Variants in SIPA1L2 observed in about 807,000 individuals in gnomAD.
SIPA1L2 encodes signal-induced proliferation-associated 1-like protein 2.
Under a neutral mutation model 163.9 loss-of-function variants are expected in SIPA1L2, and 56 were observed. The observed-to-expected ratio is 0.34, with a 90% CI of 0.28 to 0.43. The LOEUF (loss-of-function observed/expected upper bound fraction) is 0.43, where lower values mean the gene tolerates loss of function less well. Ranked by LOEUF, SIPA1L2 falls within the 20% of genes least tolerant of loss-of-function variation. The pLI, the probability that SIPA1L2 is intolerant of heterozygous loss-of-function variation, is 1.00. For synonymous variants in SIPA1L2, 877 were observed against 865.7 expected, an observed-to-expected ratio of 1.01 and a Z score of -0.23; for missense variants, 1,974 against 2,193.5, an observed-to-expected ratio of 0.90 and a Z score of 2.00.
At chr1:232,451,275 C>T (rs1385017782) in intron 10 of SIPA1L2, among the ~76,000 whole-genome samples, 1 of 152,132 alleles carries the variant, frequency 6.6e-6, no homozygotes, top group Non-Finnish European at 1.5e-5. Flanking sequence ...AGAAGAATGA[C>T]AAATGAGCCT....
intron 19 of SIPA1L2, 123 bp downstream of exon 19, chr1:232,415,371 C>T: frequency 4.8e-6 from 6 of 1,252,916 alleles, no homozygotes; most frequent in Non-Finnish European, 6.4e-6. Context: ...TCCAACAAGG[C>T]AAAACATTCA....
At chr1:232,421,836 T>C (rs1044617216) in intron 18 of SIPA1L2, among the ~76,000 whole-genome samples, 1 of 152,242 alleles carries the variant, frequency 6.6e-6, no homozygotes. Context: ...GTCAGAACTA[T>C]AGGATTTGAA....
chr1:232,441,692 A>G (rs541969306), intron 13 of SIPA1L2, 76 bp downstream of exon 13: 2 of 1,212,680 alleles, frequency 1.6e-6, no homozygotes, highest in South Asian at 2.6e-5. Flanking sequence ...GAATAAAATG[A>G]AGTGATGGGA....
At chr1:232,604,326 C>T (rs1661773770) in intron 1 of SIPA1L2, among the ~76,000 whole-genome samples, 1 of 152,168 alleles carries the variant, frequency 6.6e-6, no homozygotes, top group Non-Finnish European at 1.5e-5. Context: ...CTGTTGTATT[C>T]ATTTCCTTTC....
intron 15 of SIPA1L2, among the ~76,000 whole-genome samples, chr1:232,433,870 A>C (rs1662395175): frequency 6.6e-6 from 1 of 152,164 alleles, no homozygotes; most frequent in Non-Finnish European, 1.5e-5. Flanking sequence ...AGCTCTGTCC[A>C]TTACCACTGC....
chr1:232,463,740 TTCAAG>T (rs1664363197), intron 9 of SIPA1L2, among the ~76,000 whole-genome samples: 1 of 152,208 alleles, frequency 6.6e-6, no homozygotes, highest in Non-Finnish European at 1.5e-5. Flanking sequence ...ACCAGTATAA[TTCAAG>T]TCAATTCTCT....
chr1:232,590,610 T>C (rs141996905), intron 1 of SIPA1L2, among the ~76,000 whole-genome samples: 2 of 152,256 alleles, frequency 1.3e-5, no homozygotes, highest in South Asian at 2.1e-4. Context: ...AACGGGAACA[T>C]GGCTTAGAGA....
Position 232,597,508 on chromosome 1 carries a change from T to C in SIPA1L2, c.-318-23286A>G, listed in dbSNP as rs1249499643. On this transcript the variant is annotated intron_variant, in intron 1 of 22. Coordinates refer to ENST00000674635, the MANE Select transcript of SIPA1L2 (RefSeq NM_020808.5). ...CTGGCTAACACGGTGAAACCCCGTCTCTACTAAAAAATACCAAAAAAAAAA... is the reference window on the plus strand; with the variant it reads ...CTGGCTAACACGGTGAAACCCCGTCCCTACTAAAAAATACCAAAAAAAAAA... Among the ~76,000 whole-genome samples, 65 of 146,596 alleles carry C rather than the reference T, an allele frequency of 4.4e-4. 1 individual carries two copies. Among genetic ancestry groups the C allele is most frequent in the Admixed American group, 4.1e-3 (61 of 14,764 alleles).
Position 232,464,977 on chromosome 1 carries a change from A to T in SIPA1L2, c.2683T>A (p.Cys895Ser). The T allele has an allele frequency of 6.2e-7, 1 of 1,614,222 alleles. No homozygotes were observed. The highest frequency in any genetic ancestry group is 8.5e-7 in the Non-Finnish European group (1 of 1,180,044). Residue 895 changes from cysteine to serine, a missense_variant, in exon 9 of 23, where the codon TGT becomes AGT. Cys to Ser is a moderately radical substitution (Grantham distance 112). This residue lies in a region of SIPA1L2 where 1,079 missense variants were observed against 1,150.7 expected (regional missense o/e 0.94). Coordinates refer to ENST00000674635, the MANE Select transcript of SIPA1L2 (RefSeq NM_020808.5). ...EKDSKNVVFNCSCRDVIGWTS... is the reference protein window; with the variant it reads ...EKDSKNVVFNSSCRDVIGWTS... ...CACCCAATCACATCCCTGCAGGAAC[A>T]GTTGAATACAACATTCTTGGAATCC...
At chr1:232,530,817 A>AAACTG (rs67259979) in intron 2 of SIPA1L2, among the ~76,000 whole-genome samples, 1 of 2,548 alleles carries the variant, frequency 3.9e-4, no homozygotes, top group Non-Finnish European at 2.8e-3. Flanking sequence ...GGAAAACTAA[A>AAACTG]AAGTTAAATA....
intron 1 of SIPA1L2, among the ~76,000 whole-genome samples, chr1:232,600,575 T>C (rs1390562043): frequency 1.3e-5 from 2 of 152,228 alleles, no homozygotes; most frequent in Non-Finnish European, 2.9e-5. Context: ...TTTTGCTTTC[T>C]GCCCAAGGGT....
intron 9 of SIPA1L2, among the ~76,000 whole-genome samples, chr1:232,463,215 C>A (rs980970486): frequency 4.6e-5 from 7 of 152,334 alleles, no homozygotes; most frequent in Admixed American, 4.6e-4. Context: ...TAGGAACAAA[C>A]TCTCATTCTG....
At chr1:232,503,752 T>C (rs867770230) in intron 3 of SIPA1L2, among the ~76,000 whole-genome samples, 4 of 152,254 alleles carry the variant, frequency 2.6e-5, no homozygotes, top group African/African-American at 9.6e-5. Context: ...CTGGGTTACA[T>C]AGGCAGTTAA....
At chr1:232,564,626 C>T (rs1299058813) in intron 2 of SIPA1L2, among the ~76,000 whole-genome samples, 1 of 152,092 alleles carries the variant, frequency 6.6e-6, no homozygotes, top group Admixed American at 6.6e-5. Flanking sequence ...TACATGTTAA[C>T]ACTCCTCAAA....
chr1:232,616,287 G>T (rs983814422), intron 1 of SIPA1L2, among the ~76,000 whole-genome samples: 1 of 152,228 alleles, frequency 6.6e-6, no homozygotes, highest in African/African-American at 2.4e-5. Flanking sequence ...CATAAAACCC[G>T]CTGGGCAAAG....
chr1:232,592,015 C>CT (rs1024644217), intron 1 of SIPA1L2, among the ~76,000 whole-genome samples: 3 of 152,092 alleles, frequency 2.0e-5, no homozygotes, highest in Non-Finnish European at 2.9e-5. Flanking sequence ...CCTTATGTCC[C>CT]TTTTTTTCCC....
At chr1:232,531,137 A>G (rs1232886159) in intron 2 of SIPA1L2, among the ~76,000 whole-genome samples, 1 of 152,216 alleles carries the variant, frequency 6.6e-6, no homozygotes, top group African/African-American at 2.4e-5. Context: ...ATAAACTTAT[A>G]TGATAAGAAT....
intron 1 of SIPA1L2, among the ~76,000 whole-genome samples, chr1:232,618,799 T>C (rs1425310186): frequency 6.6e-6 from 1 of 152,232 alleles, no homozygotes. Flanking sequence ...ACTATGTGTA[T>C]ATTCTGTCAA....
intron 14 of SIPA1L2, 127 bp downstream of exon 14, chr1:232,441,164 C>T: frequency 3.0e-6 from 2 of 672,288 alleles, no homozygotes; most frequent in South Asian, 2.9e-5. Context: ...CTTTTTTAAC[C>T]TCACCTCTAA....
Sources: allele counts gnomAD v4.1 joint callset (sites outside exome capture counted in the v4.1 genomes callset), GRCh38; gene constraint gnomAD v4.1.1; regional missense constraint gnomAD v4.1.1; transcripts MANE v1.5; gene names NCBI Gene and HGNC (gene_info 2026-07-23, HGNC 2026-07-21).